MPP3: variants seen among roughly 807,000 people sequenced by gnomAD.
The protein encoded by MPP3 is MAGUK p55 subfamily member 3.
MPP3 carries 48 observed loss-of-function variants against 80.7 expected under a neutral mutation model. The observed-to-expected ratio is 0.59, with a 90% CI of 0.47 to 0.76. The LOEUF (loss-of-function observed/expected upper bound fraction) is 0.76, where lower values mean the gene tolerates loss of function less well. Ranked by LOEUF, MPP3 falls within the 30% of genes least tolerant of loss-of-function variation. MPP3 has a pLI of 0.00. For missense variants in MPP3, 620 were observed against 763.0 expected, an observed-to-expected ratio of 0.81 and a Z score of 2.21; for synonymous variants, 311 against 297.6, an observed-to-expected ratio of 1.04 and a Z score of -0.46.
intron 10 of MPP3, among the ~76,000 whole-genome samples, chr17:43,822,171 GA>G: frequency 6.6e-6 from 1 of 152,220 alleles, no homozygotes; most frequent in South Asian, 2.1e-4. Context: ...CACCAGGTAA[GA>G]GGAAATATTA....
intron 10 of MPP3, 58 bp from the exon 11 acceptor site, chr17:43,821,116 T>C (rs1333506065): frequency 1.4e-5 from 22 of 1,551,476 alleles, no homozygotes; most frequent in African/African-American, 4.1e-5. Flanking sequence ...AGACAGGTCA[T>C]TGTCACATCA....
chr17:43,805,077 A>T (rs1344245882), intron 19 of MPP3, among the ~76,000 whole-genome samples: 1 of 152,218 alleles, frequency 6.6e-6, no homozygotes, highest in Non-Finnish European at 1.5e-5. Flanking sequence ...CAAATCATGC[A>T]TCTGACAAGG....
chr17:43,814,781 A>G (rs146937227), intron 14 of MPP3: 323 of 156,628 alleles, frequency 2.1e-3, no homozygotes, highest in African/African-American at 7.6e-3. Context: ...ATTTGGATAC[A>G]TTTTAAATTC....
At chr17:43,831,151 C>T (rs958303864) in intron 5 of MPP3, 93 bp downstream of exon 5, 39 of 1,169,242 alleles carry the variant, frequency 3.3e-5, no homozygotes, top group Admixed American at 2.2e-4. Flanking sequence ...TCCTGATTCC[C>T]GGTGTCCCCA....
chr17:43,827,907 A>C (rs1598365673), intron 7 of MPP3, 75 bp from the exon 8 acceptor site: 1 of 1,373,194 alleles, frequency 7.3e-7, no homozygotes, highest in Non-Finnish European at 1.0e-6. Flanking sequence ...TGGACCCAAC[A>C]CAGCCTCCCC....
rs534621302 is a variant in MPP3, at chr17:43,831,101, G to A, written c.222+143C>T. The stretch of plus-strand genomic sequence containing the variant: ...GGGAACCCAGAGAGAGGAAGAGAAG[G>A]AGGAGGACAAGGGAAGAAAACACCT... On this transcript the variant is annotated intron_variant, in intron 5 of 19. Coordinates refer to ENST00000398389, the MANE Select transcript of MPP3 (RefSeq NM_001932.6). The A allele has an allele frequency of 7.3e-5, 53 of 729,506 alleles. No homozygotes were observed. The African/African-American group carries it at 8.4e-4, about 12-fold the overall frequency. 45.2% of individuals were successfully genotyped at this position (729,506 alleles called of 1,614,324 possible). A position where few individuals can be genotyped will look rare whatever the true frequency, so the allele number is the denominator to read the frequency against.
intron 11 of MPP3, chr17:43,818,933 C>CA (rs60979702): frequency 0.11 from 13,611 of 120,964 alleles, 1,870 homozygotes; most frequent in African/African-American, 0.33. Context: ...AACCATGTCT[C>CA]AAAAAAAAAA....
intron 11 of MPP3, among the ~76,000 whole-genome samples, chr17:43,819,795 TAA>T (rs796998641): frequency 7.1e-6 from 1 of 140,002 alleles, no homozygotes; most frequent in Admixed American, 7.2e-5. Flanking sequence ...CAAAAATGTT[TAA>T]AAAAAAAAAA....
At position 43,823,937 on chromosome 17, in the gene MPP3, C is replaced by T; in HGVS notation, c.678G>A (p.Glu226=). The change falls in exon 10 of 20, where the codon GAG becomes GAA. Residue 226 remains glutamate, a synonymous_variant. Coordinates refer to ENST00000398389, the MANE Select transcript of MPP3 (RefSeq NM_001932.6). ...CGGACCCACCTCCCCATACCTTGCT[C>T]TCCTTTAAGCGATCTTCCTCCTGGG... ...PATQEEDRLK[E]SKVFMRALFH... is the part of the protein sequence containing the mutation. 6.2e-7 allele frequency: 1 copy of T among 1,610,428 alleles called. No homozygotes were observed. The highest frequency in any genetic ancestry group is 1.1e-5 in the South Asian group (1 of 90,198).
At chr17:43,811,488 C>A in intron 16 of MPP3, 1 of 370,432 alleles carries the variant, frequency 2.7e-6, no homozygotes, top group South Asian at 4.0e-5. Context: ...GACCCACAAC[C>A]AGTAGAGAGC....
At chr17:43,829,180 T>C (rs2045846884) in intron 7 of MPP3, among the ~76,000 whole-genome samples, 1 of 152,154 alleles carries the variant, frequency 6.6e-6, no homozygotes, top group African/African-American at 2.4e-5. Flanking sequence ...GAGCAGGCAT[T>C]GTCACACGTT....
Position 43,831,256 on chromosome 17 carries a change from G to A in MPP3, c.210C>T (p.Ala70=). 1 of 1,614,006 alleles carries A rather than the reference G, an allele frequency of 6.2e-7. No homozygotes were observed. The highest frequency in any genetic ancestry group is 2.2e-5 in the East Asian group (1 of 44,876). ...ACCTGGGGCTTACGTCCTCAGCGAG[G>A]GCCACAGCGCTGTGCAGAACTGGGG... is the stretch of plus-strand genomic sequence containing the variant. ...SPTPVLHSAV[A]LAEDVMEELQ... is the part of the protein sequence containing the mutation. Residue 70 remains alanine, a synonymous_variant, in exon 5 of 20, where the codon GCC becomes GCT. Transcript: ENST00000398389.
chr17:43,820,601 A>T (rs1371332715), intron 11 of MPP3, among the ~76,000 whole-genome samples: 2 of 100,892 alleles, frequency 2.0e-5, no homozygotes, highest in Middle Eastern at 5.2e-3. Context: ...AAAAAAAAAA[A>T]AAATACACAC....
intron 14 of MPP3, 163 bp downstream of exon 14, chr17:43,815,875 C>G: frequency 1.4e-6 from 1 of 726,988 alleles, no homozygotes; most frequent in East Asian, 2.9e-5. Context: ...GCAGGCTCAG[C>G]TCCTGCTTGG....
chr17:43,814,060 C>T lies in MPP3; in HGVS notation c.1206G>A (p.Lys402=), dbSNP rs1313068528. ...GTGGGTTCTCAGCCACCACCTTTTG[C>T]TTCAGCTCGTGCAGTCGGGCTCCCA... ...GSLGARLHEL[K]QKVVAENPQH... Residue 402 remains lysine (K), a synonymous_variant, in exon 16 of 20, where the codon AAG becomes AAA. Coordinates refer to ENST00000398389, the MANE Select transcript of MPP3 (RefSeq NM_001932.6). 1 of 1,613,636 alleles carries T rather than the reference C, an allele frequency of 6.2e-7. No homozygotes were observed. The highest frequency in any genetic ancestry group is 8.5e-7 in the Non-Finnish European group (1 of 1,179,676).
chr17:43,815,849 G>A, intron 14 of MPP3, 189 bp downstream of exon 14: 1 of 672,088 alleles, frequency 1.5e-6, no homozygotes, highest in African/African-American at 1.8e-5. Flanking sequence ...AAGCTGGGTG[G>A]GGGCCCAATG....
Position 43,827,742 on chromosome 17 carries a change from G to A in MPP3, c.523+9C>T, listed in dbSNP as rs865922044. ...GGGGCTGGGCCAGCTTTGCACTGCC[G>A]CCACTCACCGCTCCTGTCTGCTGCG... On this transcript the variant is annotated intron_variant, in intron 8 of 19. Transcript: ENST00000398389. 17 of 1,609,476 alleles carry A rather than the reference G, an allele frequency of 1.1e-5. No homozygotes were observed. The Middle Eastern group carries it at 8.2e-4, about 78-fold the overall frequency.
At chr17:43,821,596 C>T (rs745347892) in intron 10 of MPP3, among the ~76,000 whole-genome samples, 9 of 152,220 alleles carry the variant, frequency 5.9e-5, no homozygotes, top group Non-Finnish European at 1.2e-4. Context: ...CGGCTCAATC[C>T]TGCCTCGTCT....
chr17:43,830,784 G>A (rs1456768757), intron 5 of MPP3, among the ~76,000 whole-genome samples: 1 of 152,188 alleles, frequency 6.6e-6, no homozygotes, highest in Non-Finnish European at 1.5e-5. Context: ...CAACATAGAC[G>A]ACTAGGTCCA....
Sources: gnomAD v4.1 joint callset for allele counts (sites outside exome capture counted in the v4.1 genomes callset) on GRCh38, gnomAD v4.1.1 for gene constraint, MANE v1.5 for transcripts, NCBI Gene and HGNC (gene_info 2026-07-23, HGNC 2026-07-21) for gene names.